MOBP: variants seen among roughly 807,000 people sequenced by gnomAD.
The protein encoded by MOBP is myelin-associated oligodendrocyte basic protein.
MOBP carries 5 observed loss-of-function variants against 15.0 expected under a neutral mutation model. That is an observed-to-expected ratio of 0.33 (90% confidence interval 0.17 to 0.70). The LOEUF is 0.70. Among genes scored for constraint, MOBP ranks in the 30% least tolerant of loss-of-function variants. The pLI is 0.67. For synonymous variants in MOBP, 88 were observed against 99.0 expected (o/e 0.89, Z 0.66); for missense variants, 188 against 257.8 (o/e 0.73, Z 1.85).
chr3:39,479,599 C>T (rs529123512), intron 1 of MOBP, among the ~76,000 whole-genome samples: 5 of 151,846 alleles, frequency 3.3e-5, no homozygotes, highest in South Asian at 2.1e-4. Context: ...CTTTGAGAGC[C>T]GTAGAAAAGG....
intron 2 of MOBP, among the ~76,000 whole-genome samples, chr3:39,482,391 C>T (rs2042640810): frequency 6.6e-6 from 1 of 152,208 alleles, no homozygotes. Context: ...GTGGCTCATG[C>T]CTGTAATCCC....
exon 5 of MOBP, chr3:39,513,648 G>A (rs1010871524): frequency 5.1e-5 from 28 of 548,642 alleles, no homozygotes; most frequent in Non-Finnish European, 4.9e-5. Flanking sequence ...CAGTCAGGGG[G>A]TTCCAGCAGC....
rs1234553001 is a variant in MOBP, at chr3:39,502,911, T to A, written c.*31T>A. On this transcript the variant is annotated 3_prime_UTR_variant, in exon 4 of 4. Transcript: ENST00000684792. This position sits in a 1 kb window ranked among gnomAD's most constrained non-coding sequence, Gnocchi z 6.3. ...TCTCTTCCCTTTTGTTCCCCAGCCC[T>A]AAGGTTAGTAGTTGCTTCCTGTGTT... 2.0e-6 allele frequency: 2 copies of A among 1,002,388 alleles called. No individual in the cohort carries two copies. The highest frequency in any genetic ancestry group is 2.8e-5 in the Admixed American group (1 of 36,068). 62.1% of individuals were successfully genotyped at this position (1,002,388 alleles called of 1,614,324 possible).
chr3:39,493,574 T>G (rs1443275401), intron 2 of MOBP, among the ~76,000 whole-genome samples: 1 of 152,186 alleles, frequency 6.6e-6, no homozygotes. Context: ...CTTTGTTCAT[T>G]CTCTCATTTT....
chr3:39,505,269 G>A (rs572899972), downstream of MOBP, among the ~76,000 whole-genome samples: 2 of 152,290 alleles, frequency 1.3e-5, no homozygotes, highest in African/African-American at 2.4e-5. Context: ...GAGTCAATCA[G>A]TCACATATAT....
intron 1 of MOBP, among the ~76,000 whole-genome samples, chr3:39,469,580 C>T (rs1421882930): frequency 6.6e-6 from 1 of 152,148 alleles, no homozygotes; most frequent in Non-Finnish European, 1.5e-5. Flanking sequence ...AGTCTGGAAC[C>T]ACACCTGAGG....
At chr3:39,479,428 C>T (rs9879808) in intron 1 of MOBP, among the ~76,000 whole-genome samples, 8,899 of 143,412 alleles carry the variant, frequency 0.062, 751 homozygotes, top group African/African-American at 0.19. Context: ...CTTCTGAGAT[C>T]TGATATGTAT....
intron 3 of MOBP, among the ~76,000 whole-genome samples, chr3:39,523,391 T>C (rs2125676798): frequency 6.6e-6 from 1 of 152,336 alleles, no homozygotes; most frequent in East Asian, 1.9e-4. Context: ...GACATTGCCA[T>C]ATAAATGGTA....
At chr3:39,483,162 G>A (rs1328988895) in intron 2 of MOBP, among the ~76,000 whole-genome samples, 2 of 152,150 alleles carry the variant, frequency 1.3e-5, no homozygotes, top group Admixed American at 1.3e-4. Flanking sequence ...TTTGTTCATT[G>A]TCATATTGTC....
chr3:39,476,723 G>A (rs72869136), intron 1 of MOBP, among the ~76,000 whole-genome samples: 2,699 of 151,638 alleles, frequency 0.018, 75 homozygotes, highest in African/African-American at 0.062. Context: ...ATTTCATCTT[G>A]GATTCCCTCT....
chr3:39,482,230 A>G (rs1260928106), intron 2 of MOBP, among the ~76,000 whole-genome samples: 1 of 152,152 alleles, frequency 6.6e-6, no homozygotes, highest in Non-Finnish European at 1.5e-5. Flanking sequence ...TGTGCAACGA[A>G]TTACCAAGTC....
chr3:39,480,173 A>G lies in MOBP; in HGVS notation c.-5+50A>G, dbSNP rs577349155. 18 of 152,348 alleles carry G rather than the reference A, an allele frequency of 1.2e-4. No individual in the cohort carries two copies. In the South Asian group the frequency reaches 3.7e-3, roughly 32 times the overall value. The allele number at this position is 152,348 out of a possible 1,614,324, so 9.4% of individuals were successfully genotyped here. A position where few individuals can be genotyped will look rare whatever the true frequency, so the allele number is the denominator to read the frequency against. On this transcript the variant is annotated intron_variant, in intron 2 of 3. Coordinates refer to ENST00000684792, the MANE Select transcript of MOBP (RefSeq NM_001393704.1). ...TTTGGATCTGCATCTAAATTTTTGC[A>G]TAATGATGACTAGTATTCAGAATGT...
chr3:39,504,147 A>G, downstream of MOBP, among the ~76,000 whole-genome samples: 1 of 152,252 alleles, frequency 6.6e-6, no homozygotes, highest in East Asian at 1.9e-4. Context: ...GGCAAGTTTA[A>G]TTTGTGAAGG....
downstream of MOBP, chr3:39,528,899 G>A (rs568195184): frequency 2.6e-5 from 4 of 152,206 alleles, no homozygotes; most frequent in Non-Finnish European, 4.4e-5. Context: ...GTAGTGTGTG[G>A]GCACTATTGC....
At chr3:39,468,632 TTC>T (rs900410826) in intron 1 of MOBP, among the ~76,000 whole-genome samples, 34 of 152,098 alleles carry the variant, frequency 2.2e-4, no homozygotes, top group Middle Eastern at 3.4e-3. Flanking sequence ...TCCTTTATCA[TTC>T]TCTTTCTCTC....
At chr3:39,488,289 T>C (rs921271916) in intron 2 of MOBP, among the ~76,000 whole-genome samples, 3 of 152,234 alleles carry the variant, frequency 2.0e-5, no homozygotes, top group African/African-American at 7.2e-5. Context: ...CATTCCCTTT[T>C]ACAGACACTT....
chr3:39,519,910 T>G (rs2043245537), downstream of MOBP, among the ~76,000 whole-genome samples: 1 of 151,186 alleles, frequency 6.6e-6, no homozygotes, highest in Non-Finnish European at 1.5e-5. Flanking sequence ...AACTCCTATC[T>G]TCCATCTCTT....
At chr3:39,487,886 G>A (rs767403104) in intron 2 of MOBP, among the ~76,000 whole-genome samples, 4 of 152,062 alleles carry the variant, frequency 2.6e-5, no homozygotes, top group Non-Finnish European at 5.9e-5. Flanking sequence ...ATCATCACAT[G>A]CCACAAAAGA....
At chr3:39,477,464 T>C (rs984991372) in intron 1 of MOBP, among the ~76,000 whole-genome samples, 1 of 151,970 alleles carries the variant, frequency 6.6e-6, no homozygotes, top group Non-Finnish European at 1.5e-5. Context: ...ACAAATCTAC[T>C]GTGCTGCCAA....
Sources: gnomAD v4.1 joint callset for allele counts (sites outside exome capture counted in the v4.1 genomes callset) on GRCh38, gnomAD v4.1.1 for gene constraint, Gnocchi (gnomAD v3.1) non-coding constraint, MANE v1.5 for transcripts, NCBI Gene and HGNC (gene_info 2026-07-23, HGNC 2026-07-21) for gene names.